Variants in ATP8A1 observed in about 807,000 individuals in gnomAD.
ATP8A1 encodes the protein ATPase phospholipid transporting 8A1.
ATP8A1 carries 90 observed loss-of-function variants against 177.7 expected under a neutral mutation model. The observed-to-expected ratio is 0.51, with a 90% confidence interval of 0.43 to 0.60. ATP8A1 has a LOEUF of 0.60. ATP8A1 is among the 20% of genes least tolerant of loss of function. The pLI is 0.00. For synonymous variants in ATP8A1, 493 were observed against 485.9 expected, an observed-to-expected ratio of 1.01 and a Z score of -0.19; for missense variants, 1,072 against 1,392.8, an observed-to-expected ratio of 0.77 and a Z score of 3.67.
intron 1 of ATP8A1, among the ~76,000 whole-genome samples, chr4:42,648,346 T>C (rs574637860): frequency 5.9e-4 from 70 of 118,294 alleles, no homozygotes; most frequent in African/African-American, 2.1e-3. Flanking sequence ...GGGACCAAAA[T>C]AAAGAGAGGT....
At chr4:42,554,653 T>G (rs1034020330) in intron 16 of ATP8A1, among the ~76,000 whole-genome samples, 9 of 152,184 alleles carry the variant, frequency 5.9e-5, no homozygotes, top group African/African-American at 2.2e-4. Flanking sequence ...GAAGTGGTTA[T>G]GAGAAAAAGT....
At chr4:42,596,241 C>T (rs1307582615) in intron 6 of ATP8A1, among the ~76,000 whole-genome samples, 1 of 152,040 alleles carries the variant, frequency 6.6e-6, no homozygotes, top group African/African-American at 2.4e-5. Context: ...AATTTTAGTC[C>T]CCAAAATGCC....
At chr4:42,467,563 C>T (rs954844595) in intron 25 of ATP8A1, among the ~76,000 whole-genome samples, 27 of 152,144 alleles carry the variant, frequency 1.8e-4, no homozygotes, top group Middle Eastern at 3.4e-3. Context: ...GATAGGGGCG[C>T]GTGCCTGTAG....
chr4:42,549,147 T>C (rs3811769), intron 18 of ATP8A1, 85 bp from the exon 19 acceptor site: 179,391 of 1,102,524 alleles, frequency 0.16, 16,354 homozygotes, highest in South Asian at 0.25. Context: ...AAAATTTTAC[T>C]GTAAAAAATG....
chr4:42,612,160 T>C (rs1248486785), intron 5 of ATP8A1, among the ~76,000 whole-genome samples: 1 of 152,148 alleles, frequency 6.6e-6, no homozygotes, highest in South Asian at 2.1e-4. Flanking sequence ...TGTGAAAGTC[T>C]GGGACACAGT....
intron 14 of ATP8A1, among the ~76,000 whole-genome samples, chr4:42,572,354 T>C (rs1356209324): frequency 1.3e-5 from 2 of 152,214 alleles, no homozygotes. Context: ...AGAAAAGTGC[T>C]AGACAGTAAT....
At position 42,414,726 on chromosome 4, in the gene ATP8A1, G is replaced by A. The variant is rs1713028688; in HGVS notation, c.3306-8C>T. On this transcript the variant is annotated splice_polypyrimidine_tract_variant and splice_region_variant and intron_variant, in intron 35 of 36. Coordinates refer to ENST00000381668, the MANE Select transcript of ATP8A1 (RefSeq NM_006095.2). ...TGCGCCCTCTCGGTCAGGCTGCAGA[G>A]CAGGTGCAAATGTGTGAAATGAATT... 1 of 1,612,018 alleles carries A rather than the reference G, an allele frequency of 6.2e-7. No individual in the cohort carries two copies. The highest frequency in any genetic ancestry group is 8.5e-7 in the Non-Finnish European group (1 of 1,178,164).
At chr4:42,484,330 T>TA in intron 25 of ATP8A1, among the ~76,000 whole-genome samples, 1 of 152,272 alleles carries the variant, frequency 6.6e-6, no homozygotes, top group African/African-American at 2.4e-5. Context: ...TATTTGTTAA[T>TA]ACATACCACA....
chr4:42,478,297 G>A (rs1323320798), intron 25 of ATP8A1, among the ~76,000 whole-genome samples: 2 of 152,150 alleles, frequency 1.3e-5, no homozygotes, highest in East Asian at 1.9e-4. Context: ...GGGGGATGGC[G>A]TACGTAGAGG....
In ATP8A1 at chr4:42,581,684, C is replaced by T; in HGVS notation, c.771G>A (p.Leu257=). The T allele has an allele frequency of 6.2e-7, 1 of 1,614,188 alleles. No individual in the cohort carries two copies. The highest frequency in any genetic ancestry group is 8.5e-7 in the Non-Finnish European group (1 of 1,180,022). ...ADQILLRGAQ[L]RNTQWVHGIV... is the part of the protein sequence containing the mutation. Reference sequence around the variant, plus strand: ...TTCCATGAACCCACTGTGTATTTCTCAACTGAGCTCCTCGAAGAAGAATCT... The same window carrying T: ...TTCCATGAACCCACTGTGTATTTCTTAACTGAGCTCCTCGAAGAAGAATCT... Residue 257 remains leucine (L), a synonymous_variant, in exon 10 of 37, where the codon TTG becomes TTA. Transcript: ENST00000381668.
rs565139270 is a variant in ATP8A1 at position 42,636,156 on chromosome 4, A to ACACACACACGCGTGCGCGCGCG, written c.50-9048_50-9047insCGCGCGCGCACGCGTGTGTGTG. On this transcript the variant is annotated intron_variant, in intron 1 of 36. Transcript: ENST00000381668. ...CACACACACACACACACACACACAC[A>ACACACACACGCGTGCGCGCGCG]CGCACACACACACACATAAGCTTCT... Among the ~76,000 whole-genome samples, 443 of 90,956 alleles carry ACACACACACGCGTGCGCGCGCG rather than the reference A, an allele frequency of 4.9e-3. 5 individuals are homozygous for ACACACACACGCGTGCGCGCGCG. Among genetic ancestry groups the ACACACACACGCGTGCGCGCGCG allele is most frequent in the Middle Eastern group, 0.02 (3 of 152 alleles). 59.7% of individuals were successfully genotyped at this position (90,956 alleles called of 152,430 possible).
At chr4:42,520,587 T>C (rs185973959) in intron 22 of ATP8A1, among the ~76,000 whole-genome samples, 1 of 151,924 alleles carries the variant, frequency 6.6e-6, no homozygotes, top group Non-Finnish European at 1.5e-5. Context: ...GTGGGGAAGA[T>C]AGGCAAGAGA....
intron 25 of ATP8A1, among the ~76,000 whole-genome samples, chr4:42,471,228 T>C (rs893286832): frequency 3.3e-5 from 5 of 152,198 alleles, no homozygotes; most frequent in African/African-American, 1.2e-4. Flanking sequence ...ACTTCTTACC[T>C]AGAAGTGCGC....
chr4:42,611,207 C>T (rs1308895732), intron 5 of ATP8A1, among the ~76,000 whole-genome samples: 1 of 152,000 alleles, frequency 6.6e-6, no homozygotes, highest in Admixed American at 6.6e-5. Context: ...CTGTCACTCA[C>T]TCAACTCCAT....
intron 4 of ATP8A1, among the ~76,000 whole-genome samples, chr4:42,623,377 A>G (rs1041265660): frequency 2.6e-5 from 4 of 152,234 alleles, no homozygotes; most frequent in African/African-American, 9.6e-5. Context: ...TCATTCTATT[A>G]TAAAGACATA....
intron 9 of ATP8A1, among the ~76,000 whole-genome samples, chr4:42,584,311 A>G (rs187688597): frequency 2.0e-5 from 3 of 152,220 alleles, no homozygotes; most frequent in Admixed American, 2.0e-4. Context: ...GAAAGACTTC[A>G]CCTTTTCTGC....
chr4:42,623,009 C>CAAACAAA (rs1553918289), intron 4 of ATP8A1, among the ~76,000 whole-genome samples: 4 of 116,140 alleles, frequency 3.4e-5, no homozygotes, highest in Non-Finnish European at 3.5e-5. Context: ...AACTCTGTCT[C>CAAACAAA]AAAAAAAAAA....
intron 19 of ATP8A1, 146 bp downstream of exon 19, chr4:42,548,866 AT>A: frequency 1.6e-6 from 1 of 634,794 alleles, no homozygotes; most frequent in Middle Eastern, 4.0e-4. Flanking sequence ...AGAATAAAAA[AT>A]GTACTAAAGA....
rs145826740 is a variant in ATP8A1 at position 42,639,343 on chromosome 4, AT to A, written c.50-12235del. On this transcript the variant is annotated intron_variant, in intron 1 of 36. Transcript: ENST00000381668. ...TGTAAAAAACGTTAGAGACCACTCG[AT>A]TTTTCCCCCTTTCATCTGGGACACA... 5.7e-3 allele frequency among the ~76,000 whole-genome samples: 864 copies of A among 152,292 alleles called. 11 individuals are homozygous for A. Among genetic ancestry groups the A allele is most frequent in the African/African-American group, 0.02 (829 of 41,564 alleles).
Sources: allele counts gnomAD v4.1 joint callset (sites outside exome capture counted in the v4.1 genomes callset), GRCh38; gene constraint gnomAD v4.1.1; transcripts MANE v1.5; gene names NCBI Gene and HGNC (gene_info 2026-07-23, HGNC 2026-07-21).